Variants in ARAP2 observed in about 807,000 individuals in gnomAD.
The protein encoded by ARAP2 is arf-GAP with Rho-GAP domain, ANK repeat and PH domain-containing protein 2.
ARAP2 carries 148 observed loss-of-function variants against 194.5 expected under a neutral mutation model. That is an observed-to-expected ratio of 0.76 (90% CI 0.67 to 0.87). The LOEUF (loss-of-function observed/expected upper bound fraction) is 0.87. Among genes scored for constraint, ARAP2 ranks in the 40% least tolerant of loss-of-function variants. ARAP2 has a pLI of 0.00. For missense variants in ARAP2, 2,128 were observed against 1,989.7 expected, an observed-to-expected ratio of 1.07 and a Z score of -1.32; for synonymous variants, 695 against 683.5, an observed-to-expected ratio of 1.02 and a Z score of -0.26.
In ARAP2 at chr4:36,229,094, A is replaced by T; in HGVS notation, c.393T>A (p.Asp131Glu). Residue 131 changes from aspartate (D) to glutamate (E), a missense_variant, in exon 2 of 33, where the codon GAT becomes GAA. By Grantham distance (45) the Asp-to-Glu change is conservative (BLOSUM62 2). Coordinates refer to ENST00000303965, the MANE Select transcript of ARAP2 (RefSeq NM_015230.4). The part of the protein sequence containing the change: ...ETVRKNLEDS[D>E]ASVERSQYPQ... ...GATACTGGCTTCTTTCCACACTTGC[A>T]TCACTGTCTTCAAGATTTTTTCTAA... 6.2e-7 allele frequency: 1 copy of T among 1,614,064 alleles called. No homozygotes were observed.
intron 19 of ARAP2, among the ~76,000 whole-genome samples, chr4:36,140,071 C>T (rs543142055): frequency 2.0e-5 from 3 of 150,960 alleles, no homozygotes; most frequent in Admixed American, 6.7e-5. Flanking sequence ...TTTTTTCCTA[C>T]TAAAGTCCTT....
chr4:36,177,540 A>T (rs1738240969), intron 9 of ARAP2, among the ~76,000 whole-genome samples: 1 of 152,174 alleles, frequency 6.6e-6, no homozygotes, highest in South Asian at 2.1e-4. Context: ...GTAGTCGTAC[A>T]ATGTCATTTC....
intron 9 of ARAP2, among the ~76,000 whole-genome samples, chr4:36,170,313 G>A (rs1486535230): frequency 6.6e-6 from 1 of 152,168 alleles, no homozygotes; most frequent in African/African-American, 2.4e-5. Context: ...TCTTGACCAG[G>A]CAATGTGGCT....
At position 36,177,868 on chromosome 4, in the gene ARAP2, C is replaced by T. The variant is rs1738333544; in HGVS notation, c.1816G>A (p.Val606Met). 5 of 1,612,880 alleles carry T rather than the reference C, an allele frequency of 3.1e-6. No individual in the cohort carries two copies. The highest frequency in any genetic ancestry group is 1.6e-4 in the Middle Eastern group (1 of 6,078). Residue 606 changes from valine (V) to methionine (M), a missense_variant, in exon 9 of 33, where the codon GTG becomes ATG. By Grantham distance (21) the Val-to-Met change is conservative. Coordinates refer to ENST00000303965, the MANE Select transcript of ARAP2 (RefSeq NM_015230.4). ...AGCCACACACTGTTTCCACTTAACA[C>T]AGTAAAAATTTTTGCCTTATAGCCT... ...LRGYKAKIFTVLSGNSVWLCK... is the reference protein window; with the variant it reads ...LRGYKAKIFTMLSGNSVWLCK...
At chr4:36,139,728 G>A (rs1560513045) in intron 19 of ARAP2, among the ~76,000 whole-genome samples, 1 of 151,498 alleles carries the variant, frequency 6.6e-6, no homozygotes. Flanking sequence ...ACACAAATTT[G>A]ATGTTATGAT....
At position 36,148,566 on chromosome 4, in the gene ARAP2, A is replaced by G. The variant is rs948375803; in HGVS notation, c.2898-59T>C. On this transcript the variant is annotated intron_variant, in intron 16 of 32. Transcript: ENST00000303965. ...TTATATTTAGCTCTTAAGAAAATGA[A>G]TAACACAAAGGTCATGTTTTTAATT... The G allele has an allele frequency of 6.3e-5, 77 of 1,219,668 alleles. 1 individual carries two copies. In the East Asian group the frequency reaches 6.4e-4, roughly 10 times the overall value. The allele number at this position is 1,219,668 out of a possible 1,614,324, so 75.6% of individuals were successfully genotyped here.
intron 2 of ARAP2, among the ~76,000 whole-genome samples, chr4:36,218,943 G>C (rs946190685): frequency 2.0e-5 from 3 of 152,148 alleles, no homozygotes; most frequent in Non-Finnish European, 4.4e-5. Flanking sequence ...CACCAAAGAA[G>C]ATATAAATGT....
chr4:36,027,173 C>T (rs1718058596), intron 5 of ARAP2, among the ~76,000 whole-genome samples: 1 of 152,066 alleles, frequency 6.6e-6, no homozygotes, highest in Non-Finnish European at 1.5e-5. Context: ...CTGTACTTGA[C>T]GTATGTAAAC....
intron 5 of ARAP2, among the ~76,000 whole-genome samples, chr4:36,032,980 T>A (rs545960491): frequency 7.1e-6 from 1 of 141,752 alleles, no homozygotes; most frequent in East Asian, 2.1e-4. Flanking sequence ...TCCAGCTCCA[T>A]CCACATTCCT....
At chr4:36,208,202 T>TTTGTG in intron 6 of ARAP2, among the ~76,000 whole-genome samples, 1 of 152,180 alleles carries the variant, frequency 6.6e-6, no homozygotes, top group Non-Finnish European at 1.5e-5. Flanking sequence ...GGAGACATTT[T>TTTGTG]AGCATGAATT....
At chr4:36,053,325 A>T (rs926936817) in intron 2 of ARAP2, among the ~76,000 whole-genome samples, 4 of 152,120 alleles carry the variant, frequency 2.6e-5, no homozygotes, top group Non-Finnish European at 5.9e-5. Flanking sequence ...TTTTTATAAA[A>T]AAAAAAAAAT....
At chr4:36,023,791 G>A (rs565586549) in intron 5 of ARAP2, among the ~76,000 whole-genome samples, 59 of 152,286 alleles carry the variant, frequency 3.9e-4, no homozygotes, top group African/African-American at 1.3e-3. Flanking sequence ...ATGCTGATGC[G>A]AAACTTAATT....
rs140536016 is a variant in ARAP2, at chr4:36,121,837, C to T, written c.3747-511G>A. Among the ~76,000 whole-genome samples, 927 of 151,734 alleles carry T rather than the reference C, an allele frequency of 6.1e-3. 9 individuals carry two copies. Among genetic ancestry groups the T allele is most frequent in the African/African-American group, 0.021 (876 of 41,472 alleles). On this transcript the variant is annotated intron_variant, in intron 22 of 32. Coordinates refer to ENST00000303965, the MANE Select transcript of ARAP2 (RefSeq NM_015230.4). ...AGAAAGAATATCTGGGCCCATGTGT[C>T]CATACAGCTATTCTAAATAAAATAT...
rs71199694 is a variant in ARAP2 at position 36,017,564 on chromosome 4, T to TAAAAAAAAAAAAAAAAAAAAAA, written n.750+1558_750+1579dup. ...TTTAAGCAAAGACCTAAGAAAGTGG[T>TAAAAAAAAAAAAAAAAAAAAAA]AAAAAAAAAAAAAAAAAAAAAAAGC... On this transcript the variant is annotated intron_variant and non_coding_transcript_variant, in intron 6 of 12. Transcript: ENST00000503225. Among the ~76,000 whole-genome samples, 10 of 42,572 alleles carry TAAAAAAAAAAAAAAAAAAAAAA rather than the reference T, an allele frequency of 2.3e-4. 1 individual carries two copies. The highest frequency in any genetic ancestry group is 9.0e-4 in the Admixed American group (2 of 2,234). 27.9% of individuals were successfully genotyped at this position (42,572 alleles called of 152,430 possible). A position where few individuals can be genotyped will look rare whatever the true frequency, so the allele number is the denominator to read the frequency against.
chr4:36,210,376 G>A lies in ARAP2; in HGVS notation c.1487+14C>T. ...AAAATATGCCACTTATGAAATAAAT[G>A]CATACGTACATACCCTTGAGGAGAG... On this transcript the variant is annotated intron_variant, in intron 6 of 32. Coordinates refer to ENST00000303965, the MANE Select transcript of ARAP2 (RefSeq NM_015230.4). 6.4e-7 allele frequency: 1 copy of A among 1,556,740 alleles called. No individual in the cohort carries two copies. Among genetic ancestry groups the A allele is most frequent in the South Asian group, 1.2e-5 (1 of 83,308 alleles).
At chr4:36,011,556 A>G (rs918424190) in intron 9 of ARAP2, among the ~76,000 whole-genome samples, 1 of 152,174 alleles carries the variant, frequency 6.6e-6, no homozygotes, top group Admixed American at 6.5e-5. Flanking sequence ...AAACACCCAC[A>G]GAGCACACTG....
chr4:36,226,968 C>G (rs969425205), intron 2 of ARAP2, among the ~76,000 whole-genome samples: 3 of 152,196 alleles, frequency 2.0e-5, no homozygotes, highest in African/African-American at 7.2e-5. Context: ...CATTCACCTT[C>G]TTTTAATTAT....
intron 27 of ARAP2, among the ~76,000 whole-genome samples, chr4:36,094,208 T>C (rs895395018): frequency 2.0e-5 from 3 of 152,206 alleles, no homozygotes; most frequent in Admixed American, 1.3e-4. Flanking sequence ...GAAAAAAATT[T>C]CTCAAAAGTT....
intron 27 of ARAP2, among the ~76,000 whole-genome samples, chr4:36,105,872 A>G (rs13129364): frequency 0.065 from 9,911 of 152,044 alleles, 438 homozygotes; most frequent in Middle Eastern, 0.15. Flanking sequence ...CACAACAGCA[A>G]AGGTATTATG....
Sources: gnomAD v4.1 joint callset for allele counts (sites outside exome capture counted in the v4.1 genomes callset) on GRCh38, gnomAD v4.1.1 for gene constraint, MANE v1.5 for transcripts, NCBI Gene and HGNC (gene_info 2026-07-23, HGNC 2026-07-21) for gene names.